CLSTN2: variants seen among roughly 807,000 people sequenced by gnomAD.
The protein encoded by CLSTN2 is calsyntenin-2.
Under a neutral mutation model 101.2 loss-of-function variants are expected in CLSTN2, and 48 were observed. The ratio of observed to expected loss-of-function variants is 0.47; its 90% CI spans 0.38 to 0.60. The LOEUF is 0.60. Among genes scored for constraint, CLSTN2 ranks in the 20% least tolerant of loss-of-function variants. The pLI, the probability that CLSTN2 is intolerant of heterozygous loss-of-function variation, is 0.00. For missense variants in CLSTN2, 1,160 were observed against 1,238.2 expected (o/e 0.94, Z 0.95); for synonymous variants, 481 against 463.6 (o/e 1.04, Z -0.48).
intron 1 of CLSTN2, among the ~76,000 whole-genome samples, chr3:140,131,328 T>C (rs1358589112): frequency 1.3e-5 from 2 of 152,048 alleles, no homozygotes; most frequent in African/African-American, 4.8e-5. Flanking sequence ...GCAATGATTC[T>C]CTAAGGTCAT....
At chr3:140,185,237 T>C (rs2010469358) in intron 2 of CLSTN2, among the ~76,000 whole-genome samples, 1 of 152,194 alleles carries the variant, frequency 6.6e-6, no homozygotes, top group Non-Finnish European at 1.5e-5. Flanking sequence ...TTCACATCAG[T>C]GGCTGACTCT....
At chr3:140,448,431 G>T in intron 5 of CLSTN2, 88 bp from the exon 6 acceptor site, 1 of 1,139,220 alleles carries the variant, frequency 8.8e-7, no homozygotes, top group Non-Finnish European at 1.3e-6. Context: ...CAAATAATTC[G>T]TTGGAACAAA....
chr3:140,495,471 A>G (rs1298497175), intron 8 of CLSTN2, among the ~76,000 whole-genome samples: 1 of 151,954 alleles, frequency 6.6e-6, no homozygotes, highest in African/African-American at 2.4e-5. Flanking sequence ...GTTTAATTAG[A>G]TCCCATTTGT....
At chr3:140,075,794 G>A (rs1310611803) in intron 1 of CLSTN2, among the ~76,000 whole-genome samples, 1 of 152,050 alleles carries the variant, frequency 6.6e-6, no homozygotes, top group Admixed American at 6.6e-5. Context: ...AGTCACTGGG[G>A]ATGTGAACAA....
chr3:140,576,297 C>A lies in CLSTN2; in HGVS notation c.*10044C>A. The A allele has an allele frequency of 1.3e-5, 2 of 152,314 alleles. No homozygotes were observed. Among genetic ancestry groups the A allele is most frequent in the Admixed American group, 1.3e-4 (2 of 15,294 alleles). 9.4% of individuals were successfully genotyped at this position (152,314 alleles called of 1,614,324 possible). A position where few individuals can be genotyped will look rare whatever the true frequency, so the allele number is the denominator to read the frequency against. ...GCTGAACACCCAACAGCTGTTTCTA[C>A]AAGCTAAAGTTGTAGCTTCTCTCTA... On this transcript the variant is annotated 3_prime_UTR_variant, in exon 17 of 17. Coordinates refer to ENST00000458420, the MANE Select transcript of CLSTN2 (RefSeq NM_022131.3).
intron 1 of CLSTN2, among the ~76,000 whole-genome samples, chr3:140,037,741 A>G (rs2007684026): frequency 6.6e-6 from 1 of 151,758 alleles, no homozygotes; most frequent in Admixed American, 6.6e-5. Flanking sequence ...TGTTCCCCCC[A>G]TGTGTTCATG....
chr3:140,257,540 C>T (rs1256100169), intron 2 of CLSTN2, among the ~76,000 whole-genome samples: 1 of 148,402 alleles, frequency 6.7e-6, no homozygotes, highest in Non-Finnish European at 1.5e-5. Context: ...TGTTAGTATT[C>T]CCTGCCTATT....
At chr3:140,025,288 C>A (rs2007395768) in intron 1 of CLSTN2, among the ~76,000 whole-genome samples, 1 of 152,084 alleles carries the variant, frequency 6.6e-6, no homozygotes, top group African/African-American at 2.4e-5. Flanking sequence ...TAGTGGCAGG[C>A]CTTAAGAATA....
intron 2 of CLSTN2, among the ~76,000 whole-genome samples, chr3:140,379,397 G>A (rs1475191461): frequency 6.6e-6 from 1 of 152,194 alleles, no homozygotes; most frequent in Non-Finnish European, 1.5e-5. Context: ...GGAAGGAGGA[G>A]ACAGTGACTC....
chr3:140,428,487 T>C (rs2088596267), intron 5 of CLSTN2, among the ~76,000 whole-genome samples: 1 of 152,156 alleles, frequency 6.6e-6, no homozygotes, highest in Non-Finnish European at 1.5e-5. Context: ...CCCAGATGTG[T>C]TGCTGACTGG....
At chr3:140,283,653 T>C (rs1357522983) in intron 2 of CLSTN2, among the ~76,000 whole-genome samples, 1 of 152,192 alleles carries the variant, frequency 6.6e-6, no homozygotes, top group Non-Finnish European at 1.5e-5. Flanking sequence ...TATTATTTCC[T>C]AAGTAGTGTT....
intron 6 of CLSTN2, among the ~76,000 whole-genome samples, chr3:140,448,958 G>C (rs943661419): frequency 6.6e-6 from 1 of 152,138 alleles, no homozygotes; most frequent in African/African-American, 2.4e-5. Flanking sequence ...CAAAGCCTTT[G>C]CTCTTCTTTG....
At chr3:140,551,163 C>T (rs552571417) in intron 10 of CLSTN2, among the ~76,000 whole-genome samples, 2 of 152,038 alleles carry the variant, frequency 1.3e-5, no homozygotes, top group East Asian at 3.9e-4. Flanking sequence ...AATTTCTTTC[C>T]TTTCCTCCCT....
intron 1 of CLSTN2, among the ~76,000 whole-genome samples, chr3:140,097,599 C>T (rs1479033700): frequency 6.6e-6 from 1 of 152,116 alleles, no homozygotes; most frequent in African/African-American, 2.4e-5. Flanking sequence ...CATGTTGTTC[C>T]CACTCCATGT....
chr3:140,135,111 CACACACATATATAT>C (rs1560105545), intron 1 of CLSTN2, among the ~76,000 whole-genome samples: 28 of 52,102 alleles, frequency 5.4e-4, no homozygotes, highest in African/African-American at 3.5e-3. Flanking sequence ...CACACACACA[CACACACATATATAT>C]ATATATATAT....
chr3:140,124,382 G>A (rs866420867), intron 1 of CLSTN2, among the ~76,000 whole-genome samples: 3 of 152,186 alleles, frequency 2.0e-5, no homozygotes, highest in Non-Finnish European at 4.4e-5. Flanking sequence ...ACAGTGGGCA[G>A]TGGTGAAAGC....
chr3:140,291,619 A>T (rs989848732), intron 2 of CLSTN2, among the ~76,000 whole-genome samples: 3 of 151,756 alleles, frequency 2.0e-5, no homozygotes, highest in Admixed American at 2.0e-4. Flanking sequence ...GGCCATCCAT[A>T]TGCTGGCAAC....
chr3:140,253,820 G>A (rs1278718446), intron 2 of CLSTN2, among the ~76,000 whole-genome samples: 1 of 151,350 alleles, frequency 6.6e-6, no homozygotes, highest in East Asian at 1.9e-4. Flanking sequence ...TATGGTTCTT[G>A]CCATTTAGTC....
chr3:140,484,384 G>T (rs562793834), intron 8 of CLSTN2, among the ~76,000 whole-genome samples: 2,444 of 152,166 alleles, frequency 0.016, 56 homozygotes, highest in African/African-American at 0.055. Flanking sequence ...TTTCTCTCTG[G>T]CTGCCCTTAA....
Sources: gnomAD v4.1 joint callset for allele counts (sites outside exome capture counted in the v4.1 genomes callset) on GRCh38, gnomAD v4.1.1 for gene constraint, MANE v1.5 for transcripts, NCBI Gene and HGNC (gene_info 2026-07-23, HGNC 2026-07-21) for gene names.